DGCR6L: variants seen among roughly 807,000 people sequenced by gnomAD.
DGCR6L encodes DiGeorge syndrome critical region gene 6 like.
Under a neutral mutation model 31.1 loss-of-function variants are expected in DGCR6L, and 24 were observed. That is an observed-to-expected ratio of 0.77 (90% CI 0.56 to 1.08). The LOEUF is 1.08. Ranked by LOEUF, DGCR6L falls within the 50% of genes least tolerant of loss-of-function variation. The pLI, the probability that DGCR6L is intolerant of heterozygous loss-of-function variation, is 0.00. For missense variants in DGCR6L, 218 were observed against 287.1 expected, an observed-to-expected ratio of 0.76 and a Z score of 1.74; for synonymous variants, 104 against 126.1, an observed-to-expected ratio of 0.82 and a Z score of 1.17.
rs375677479 is a variant in DGCR6L at position 20,315,179 on chromosome 22, C to T, written c.513+157G>A. On this transcript the variant is annotated intron_variant, in intron 4 of 4. Transcript: ENST00000248879. ...TCCTGTAGGGAATGGGCCTGGCCTC[C>T]GTGCTGGGAATGGCACAGAAATCCT... The T allele has an allele frequency of 1.7e-4, 251 of 1,507,446 alleles. 1 individual carries two copies. In the African/African-American group the frequency reaches 2.8e-3, roughly 17 times the overall value. The allele number at this position is 1,507,446 out of a possible 1,614,324, so 93.4% of individuals were successfully genotyped here.
chr22:20,319,360 G>A (rs1200005879), intron 2 of DGCR6L, among the ~76,000 whole-genome samples: 1 of 152,244 alleles, frequency 6.6e-6, no homozygotes, highest in Non-Finnish European at 1.5e-5. Context: ...AGGCACCGAG[G>A]CCTAGGGCCA....
Position 20,314,491 on chromosome 22 carries a change from G to A in DGCR6L, c.*184C>T. ...CTGGTCCTGAAGCAGACAGCAGCAG[G>A]CTGGCCCAGCCTCCCCTTTATGAGA... On this transcript the variant is annotated 3_prime_UTR_variant, in exon 5 of 5. Coordinates refer to ENST00000248879, the MANE Select transcript of DGCR6L (RefSeq NM_033257.4). 5.0e-6 allele frequency: 5 copies of A among 1,006,652 alleles called. No homozygotes were observed. The highest frequency in any genetic ancestry group is 3.8e-5 in the South Asian group (2 of 52,324). 62.4% of individuals were successfully genotyped at this position (1,006,652 alleles called of 1,614,324 possible). A position where few individuals can be genotyped will look rare whatever the true frequency, so the allele number is the denominator to read the frequency against.
chr22:20,319,013 TTC>T (rs2051588795), intron 2 of DGCR6L, among the ~76,000 whole-genome samples: 1 of 152,230 alleles, frequency 6.6e-6, no homozygotes, highest in Admixed American at 6.5e-5. Flanking sequence ...TTTTCAGCTT[TTC>T]TAAATGTTTT....
At chr22:20,316,596 C>T (rs1983885441) in intron 2 of DGCR6L, among the ~76,000 whole-genome samples, 1 of 144,714 alleles carries the variant, frequency 6.9e-6, no homozygotes, top group Non-Finnish European at 1.5e-5. Flanking sequence ...TCAGAGACCA[C>T]CTCAGGCAAA....
rs530629939 is a variant in DGCR6L at position 20,319,242 on chromosome 22, AC to A, written c.271+396del. Among the ~76,000 whole-genome samples the A allele has an allele frequency of 1.8e-3, 279 of 152,296 alleles. 2 individuals are homozygous for A. The highest frequency in any genetic ancestry group is 6.5e-3 in the African/African-American group (272 of 41,568). ...GAGGCCCTGCGAGGCCTGAGAGGGA[AC>A]TGACCCTGAAAGACGCTTGCTGCAC... On this transcript the variant is annotated intron_variant, in intron 2 of 4. Transcript: ENST00000248879.
chr22:20,316,632 G>A (rs988549799), intron 2 of DGCR6L, among the ~76,000 whole-genome samples: 11 of 152,220 alleles, frequency 7.2e-5, no homozygotes, highest in Admixed American at 1.3e-4. Flanking sequence ...CAGGAGGAGC[G>A]GGGTCGCTGA....
chr22:20,320,039 C>T lies in DGCR6L; in HGVS notation c.-51G>A. The stretch of plus-strand genomic sequence containing the variant: ...CGGCGGCGACGAGCTCCCCCAGCTT[C>T]ACGACATCCCGAGCGCGGCGCGTCC... On this transcript the variant is annotated 5_prime_UTR_variant, in exon 1 of 5. The change abolishes the stop of an existing upstream ORF in the 5' untranslated region. Transcript: ENST00000248879. 3 of 1,479,150 alleles carry T rather than the reference C, an allele frequency of 2.0e-6. No individual in the cohort carries two copies. The highest frequency in any genetic ancestry group is 1.8e-6 in the Non-Finnish European group (2 of 1,120,478). 91.6% of individuals were successfully genotyped at this position (1,479,150 alleles called of 1,614,324 possible). A position where few individuals can be genotyped will look rare whatever the true frequency, so the allele number is the denominator to read the frequency against.
rs1478191087 is a variant in DGCR6L, at chr22:20,314,708, C to T, written c.630G>A (p.Gln210=). The change falls in exon 5 of 5, where the codon CAG becomes CAA. Residue 210 remains glutamine (Q), a synonymous_variant. Transcript: ENST00000248879. ...LGGPWQSPAA[Q]CDQKGSPVPP ...GGACAGGGCTGCCTTTCTGGTCACA[C>T]TGGGCAGCAGGCGACTGCCAGGGAC... 2.5e-6 allele frequency: 4 copies of T among 1,609,288 alleles called. No homozygotes were observed. Among genetic ancestry groups the T allele is most frequent in the Non-Finnish European group, 3.4e-6 (4 of 1,178,046 alleles).
In DGCR6L at chr22:20,320,026, G is replaced by C. The variant is rs954804218; in HGVS notation, c.-38C>G. 6.0e-6 allele frequency: 9 copies of C among 1,499,936 alleles called. No homozygotes were observed. In the East Asian group the frequency reaches 9.9e-5, roughly 16 times the overall value. The allele number at this position is 1,499,936 out of a possible 1,614,324, so 92.9% of individuals were successfully genotyped here. ...CGCTAGCCGCCGGCGGCGGCGACGA[G>C]CTCCCCCAGCTTCACGACATCCCGA... On this transcript the variant is annotated 5_prime_UTR_variant, in exon 1 of 5. Transcript: ENST00000248879.
intron 4 of DGCR6L, 157 bp from the exon 5 acceptor site, chr22:20,314,981 A>G (rs1427632289): frequency 4.7e-6 from 7 of 1,473,752 alleles, no homozygotes; most frequent in Non-Finnish European, 4.6e-6. Context: ...TCTGCCCCCA[A>G]CAGGGCCACT....
At position 20,314,797 on chromosome 22, in the gene DGCR6L, C is replaced by T; in HGVS notation, c.541G>A (p.Glu181Lys). The change falls in exon 5 of 5, where the codon GAA becomes AAA. Residue 181 changes from glutamate to lysine, a missense_variant. By Grantham distance (56) the Glu-to-Lys change is moderately conservative (BLOSUM62 1). This residue lies in a region of DGCR6L where 58 missense variants were observed against 105.4 expected (regional missense o/e 0.55). Coordinates refer to ENST00000248879, the MANE Select transcript of DGCR6L (RefSeq NM_033257.4). ...CTCTGCTGCAGCTTTCGGATGAGTTCCAGCAGGTTCATCTGCAGCATCAGC... is the reference window on the plus strand; with the variant it reads ...CTCTGCTGCAGCTTTCGGATGAGTTTCAGCAGGTTCATCTGCAGCATCAGC... ...QELMLQMNLL[E>K]LIRKLQQRGC... is the part of the protein sequence containing the mutation. 1.2e-6 allele frequency: 2 copies of T among 1,612,032 alleles called. No individual in the cohort carries two copies. Among genetic ancestry groups the T allele is most frequent in the South Asian group, 1.1e-5 (1 of 90,990 alleles).
intron 3 of DGCR6L, 51 bp downstream of exon 3, chr22:20,316,068 G>A (rs754545125): frequency 3.3e-6 from 5 of 1,538,374 alleles, no homozygotes; most frequent in Non-Finnish European, 4.4e-6. Context: ...GCAGAGCCAG[G>A]TGGTGCCCAC....
At chr22:20,318,945 A>T (rs1402065149) in intron 2 of DGCR6L, among the ~76,000 whole-genome samples, 3 of 152,256 alleles carry the variant, frequency 2.0e-5, no homozygotes, top group Non-Finnish European at 4.4e-5. Flanking sequence ...CAAGAACTAG[A>T]GCAAAACGTT....
In DGCR6L at chr22:20,316,101, TG is replaced by T. The variant is rs1254461074; in HGVS notation, c.372+17del. The T allele has an allele frequency of 2.9e-5, 46 of 1,593,436 alleles. No homozygotes were observed. Among genetic ancestry groups the T allele is most frequent in the Non-Finnish European group, 3.8e-5 (45 of 1,170,380 alleles). Reference sequence around the variant, plus strand: ...CACAGGAGAGCTGGGCCGGCCACCCTGCCTGCGCCCCCAGTACCTCTAGTTC... The same window carrying T: ...CACAGGAGAGCTGGGCCGGCCACCCTCCTGCGCCCCCAGTACCTCTAGTTC... On this transcript the variant is annotated intron_variant, in intron 3 of 4. Coordinates refer to ENST00000248879, the MANE Select transcript of DGCR6L (RefSeq NM_033257.4).
In DGCR6L at chr22:20,316,107, C is replaced by T. The variant is rs1380845975; in HGVS notation, c.372+12G>A. 2.0e-5 allele frequency: 32 copies of T among 1,598,426 alleles called. No homozygotes were observed. The highest frequency in any genetic ancestry group is 1.4e-4 in the East Asian group (6 of 44,380). ...AGAGCTGGGCCGGCCACCCTGCCTG[C>T]GCCCCCAGTACCTCTAGTTCTCGCT... On this transcript the variant is annotated intron_variant, in intron 3 of 4. Transcript: ENST00000248879.
Position 20,320,038 on chromosome 22 carries a change from T to C in DGCR6L, c.-50A>G. ...GCGGCGGCGACGAGCTCCCCCAGCT[T>C]CACGACATCCCGAGCGCGGCGCGTC... is the stretch of plus-strand genomic sequence containing the variant. On this transcript the variant is annotated 5_prime_UTR_variant, in exon 1 of 5. An upstream open reading frame in the 5' UTR loses its in-frame stop. Transcript: ENST00000248879. The C allele has an allele frequency of 2.0e-6, 3 of 1,483,548 alleles. No homozygotes were observed. Among genetic ancestry groups the C allele is most frequent in the Non-Finnish European group, 2.7e-6 (3 of 1,122,424 alleles). The allele number at this position is 1,483,548 out of a possible 1,614,324, so 91.9% of individuals were successfully genotyped here.
Position 20,319,927 on chromosome 22 carries a change from T to C in DGCR6L, c.62A>G (p.His21Arg), listed in dbSNP as rs1401265177. The C allele has an allele frequency of 1.2e-6, 2 of 1,610,416 alleles. No individual in the cohort carries two copies. The highest frequency in any genetic ancestry group is 1.7e-6 in the Non-Finnish European group (2 of 1,179,138). ...VADGARQQERHYQLLSALQSL... is the reference protein window; with the variant it reads ...VADGARQQERRYQLLSALQSL... ...CTGTAGCGCCGACAGCAACTGGTAG[T>C]GTCGCTCCTGCTGCCGGGCACCGTC... is the stretch of plus-strand genomic sequence containing the variant. The change falls in exon 1 of 5, where the codon CAC becomes CGC. Residue 21 changes from histidine to arginine, a missense_variant. Around this residue, in one of 4 missense-constraint regions of DGCR6L, gnomAD observed 77 missense variants for 71.2 expected, o/e 1.08. Coordinates refer to ENST00000248879, the MANE Select transcript of DGCR6L (RefSeq NM_033257.4).
chr22:20,315,295 C>T (rs543016646), intron 4 of DGCR6L, 41 bp downstream of exon 4: 17 of 1,587,670 alleles, frequency 1.1e-5, no homozygotes, highest in East Asian at 2.3e-5. Flanking sequence ...AATGGGGCCC[C>T]GGGGCACTCG....
At chr22:20,317,393 G>A (rs1249891763) in intron 2 of DGCR6L, among the ~76,000 whole-genome samples, 1 of 152,266 alleles carries the variant, frequency 6.6e-6, no homozygotes, top group Non-Finnish European at 1.5e-5. Context: ...GGCAAGAAGA[G>A]AGCCACGCTG....
Sources: gnomAD v4.1 joint callset for allele counts (sites outside exome capture counted in the v4.1 genomes callset) on GRCh38, gnomAD v4.1.1 for gene constraint, gnomAD v4.1.1 regional missense constraint, MANE v1.5 for transcripts, NCBI Gene and HGNC (gene_info 2026-07-23, HGNC 2026-07-21) for gene names.